The following DLC1 variants were observed in gnomAD, a reference collection of about 807,000 sequenced individuals.
DLC1 encodes the protein DLC1 Rho GTPase activating protein, also known as rho GTPase-activating protein 7.
A neutral mutation model predicts 140.3 loss-of-function variants in DLC1; 54 were observed. The observed-to-expected ratio is 0.38, with a 90% CI of 0.31 to 0.48. The LOEUF (loss-of-function observed/expected upper bound fraction) is 0.48, where lower values mean the gene tolerates loss of function less well. Among genes scored for constraint, DLC1 ranks in the 20% least tolerant of loss-of-function variants. The pLI, the probability that DLC1 is intolerant of heterozygous loss-of-function variation, is 0.96. For missense variants in DLC1, 2,536 were observed against 1,907.0 expected (o/e 1.33, Z -6.14); for synonymous variants, 986 against 728.1 (o/e 1.35, Z -5.70).
At chr8:13,177,056 A>G (rs1825796312) in intron 5 of DLC1, among the ~76,000 whole-genome samples, 1 of 152,186 alleles carries the variant, frequency 6.6e-6, no homozygotes, top group Admixed American at 6.5e-5. Context: ...TAGGTTTCTT[A>G]TAATAATATA....
intron 5 of DLC1, among the ~76,000 whole-genome samples, chr8:13,131,833 A>T (rs1044602272): frequency 6.6e-6 from 1 of 152,212 alleles, no homozygotes; most frequent in East Asian, 1.9e-4. Context: ...CCAGGATGAG[A>T]CCCCACCAGC....
At chr8:13,286,814 G>T (rs2117445747) in intron 5 of DLC1, among the ~76,000 whole-genome samples, 1 of 151,408 alleles carries the variant, frequency 6.6e-6, no homozygotes, top group East Asian at 1.9e-4. Flanking sequence ...GTGAGGAGAA[G>T]AAGGAAAAAA....
chr8:13,359,279 A>G (rs1835107558), intron 4 of DLC1, among the ~76,000 whole-genome samples: 1 of 152,060 alleles, frequency 6.6e-6, no homozygotes, highest in Non-Finnish European at 1.5e-5. Flanking sequence ...CTCCTCTCTC[A>G]CAAAACCTGC....
Position 13,202,095 on chromosome 8 carries a change from G to A in DLC1, c.1349-86438C>T, listed in dbSNP as rs191971081. Among the ~76,000 whole-genome samples, 10 of 151,724 alleles carry A rather than the reference G, an allele frequency of 6.6e-5. No homozygotes were observed. The East Asian group carries it at 9.8e-4, about 15-fold the overall frequency. On this transcript the variant is annotated intron_variant, in intron 5 of 17. Transcript: ENST00000276297. Reference sequence around the variant, plus strand: ...CAAGTAGCTGGGACTACCAGTGCGCGCCAAAACGCCCAGTTAATTTTTGTA... The same window carrying A: ...CAAGTAGCTGGGACTACCAGTGCGCACCAAAACGCCCAGTTAATTTTTGTA...
At chr8:13,573,389 TAA>T (rs1383176492) in intron 1 of DLC1, among the ~76,000 whole-genome samples, 1 of 152,206 alleles carries the variant, frequency 6.6e-6, no homozygotes, top group African/African-American at 2.4e-5. Flanking sequence ...TTTCTAGGTA[TAA>T]GAGTGTATCT....
At chr8:13,464,898 A>G (rs1367934177) in intron 2 of DLC1, among the ~76,000 whole-genome samples, 7 of 151,608 alleles carry the variant, frequency 4.6e-5, no homozygotes, top group African/African-American at 1.5e-4. Flanking sequence ...CACTACTACT[A>G]CTATTTATAT....
chr8:13,236,110 A>G (rs1829264774), intron 5 of DLC1, among the ~76,000 whole-genome samples: 1 of 152,070 alleles, frequency 6.6e-6, no homozygotes, highest in Non-Finnish European at 1.5e-5. Context: ...CTACATAGAA[A>G]CAATCATTAA....
At chr8:13,384,859 T>C (rs1013712170) in intron 4 of DLC1, among the ~76,000 whole-genome samples, 1 of 152,072 alleles carries the variant, frequency 6.6e-6, no homozygotes, top group African/African-American at 2.4e-5. Context: ...AGGGAAGTAC[T>C]GGGGGCAACT....
intron 5 of DLC1, among the ~76,000 whole-genome samples, chr8:13,181,967 T>C (rs189333495): frequency 2.7e-4 from 41 of 152,252 alleles, no homozygotes; most frequent in Non-Finnish European, 5.3e-4. Context: ...TGTAAAAGTG[T>C]TCTTATTTCT....
intron 5 of DLC1, among the ~76,000 whole-genome samples, chr8:13,262,818 A>G (rs1234253358): frequency 2.0e-5 from 3 of 152,216 alleles, no homozygotes; most frequent in Admixed American, 6.5e-5. Context: ...TACTTGATGG[A>G]TGACGAATGC....
At chr8:13,270,716 T>C (rs1830896394) in intron 5 of DLC1, among the ~76,000 whole-genome samples, 2 of 152,214 alleles carry the variant, frequency 1.3e-5, no homozygotes, top group Admixed American at 6.5e-5. Context: ...CCATTTGCCA[T>C]TGACATTTTA....
chr8:13,452,493 T>C (rs1313345950), intron 2 of DLC1, among the ~76,000 whole-genome samples: 3 of 152,126 alleles, frequency 2.0e-5, no homozygotes, highest in African/African-American at 7.2e-5. Flanking sequence ...ACTAAGAAGG[T>C]ATTTACTTTT....
intron 1 of DLC1, among the ~76,000 whole-genome samples, chr8:13,589,621 T>A (rs1478342503): frequency 1.3e-5 from 2 of 151,984 alleles, no homozygotes; most frequent in Non-Finnish European, 2.9e-5. Flanking sequence ...TGCTTAGCTA[T>A]TTACACATTT....
intron 5 of DLC1, among the ~76,000 whole-genome samples, chr8:13,143,842 G>C (rs919028668): frequency 1.4e-5 from 2 of 146,246 alleles, no homozygotes; most frequent in African/African-American, 2.6e-5. Context: ...GAGAGAGAGA[G>C]AGAGAGAGAG....
intron 10 of DLC1, 157 bp from the exon 11 acceptor site, chr8:13,095,402 C>G: frequency 1.1e-6 from 1 of 880,870 alleles, no homozygotes; most frequent in Non-Finnish European, 1.7e-6. Context: ...ATTCAGTTCC[C>G]CAGTGGTACT....
At chr8:13,338,189 C>T (rs1417995265) in intron 4 of DLC1, among the ~76,000 whole-genome samples, 1 of 152,202 alleles carries the variant, frequency 6.6e-6, no homozygotes, top group Non-Finnish European at 1.5e-5. Context: ...CCCTTAGAAT[C>T]CACCTCTTGG....
chr8:13,146,042 G>T (rs1823410524), intron 5 of DLC1, among the ~76,000 whole-genome samples: 2 of 152,114 alleles, frequency 1.3e-5, no homozygotes, highest in African/African-American at 4.8e-5. Flanking sequence ...ACTTTGGGAG[G>T]CTGAGGCGGG....
chr8:13,161,851 G>A (rs4442150), intron 5 of DLC1, among the ~76,000 whole-genome samples: 56,452 of 151,970 alleles, frequency 0.37, 12,060 homozygotes, highest in East Asian at 0.82. Flanking sequence ...TGTTAAAAGG[G>A]CCATAAATCA....
At chr8:13,590,132 A>C (rs888932241) in intron 1 of DLC1, among the ~76,000 whole-genome samples, 2 of 148,196 alleles carry the variant, frequency 1.3e-5, no homozygotes, top group African/African-American at 2.5e-5. Flanking sequence ...TTTCCTATGC[A>C]TATATTTTTC....
Sources: allele counts gnomAD v4.1 joint callset (sites outside exome capture counted in the v4.1 genomes callset), GRCh38; gene constraint gnomAD v4.1.1; transcripts MANE v1.5; gene names NCBI Gene and HGNC (gene_info 2026-07-23, HGNC 2026-07-21).